Variants in IL1RL2 observed in about 807,000 individuals in gnomAD.
IL1RL2 encodes the protein interleukin 1 receptor like 2.
In IL1RL2, 68 loss-of-function variants were observed where a neutral mutation model predicts 66.8. The observed-to-expected ratio is 1.02, with a 90% CI of 0.84 to 1.25. The LOEUF (loss-of-function observed/expected upper bound fraction) is 1.25. Among genes scored for constraint, IL1RL2 ranks in the 50% most tolerant of loss-of-function variants. IL1RL2 has a pLI of 0.00. For missense variants in IL1RL2, 729 were observed against 709.3 expected (o/e 1.03, Z -0.32); for synonymous variants, 305 against 264.6 (o/e 1.15, Z -1.48).
intron 1 of IL1RL2, 96 bp from the exon 2 acceptor site, chr2:102,187,760 G>A: frequency 9.7e-7 from 1 of 1,032,698 alleles, no homozygotes. Context: ...CAGCGGCCTG[G>A]GCGGTTGTCT....
intron 4 of IL1RL2, among the ~76,000 whole-genome samples, chr2:102,194,035 A>G (rs1161925015): frequency 2.0e-5 from 3 of 152,180 alleles, no homozygotes; most frequent in Non-Finnish European, 4.4e-5. Flanking sequence ...ATTATCAGAA[A>G]GTGAACATAC....
Position 102,189,163 on chromosome 2 carries a change from CT to C in IL1RL2, c.147del (p.Glu51LysfsTer4), listed in dbSNP as rs560471795. The C allele has an allele frequency of 1.2e-5, 20 of 1,614,064 alleles. No homozygotes were observed. The African/African-American group carries it at 2.4e-4, about 19-fold the overall frequency. On this transcript the variant is annotated frameshift_variant, in exon 3 of 12. Transcript: ENST00000264257. LOFTEE classifies it high-confidence loss of function. The stretch of plus-strand genomic sequence containing the variant: ...AATTGTACATTCCCTCCCATAACAT[CT>C]GGGGAAGTCAGTGTAACATGGTATA... ...AFNCTFPPIT[S>X]GEVSVTWYKN...
chr2:102,220,679 ATG>A (rs3074966), intron 8 of IL1RL2, among the ~76,000 whole-genome samples: 35,182 of 150,176 alleles, frequency 0.23, 4,574 homozygotes, highest in Admixed American at 0.37. Flanking sequence ...TCATTAGTGT[ATG>A]TGTGTGTGTG....
At chr2:102,203,222 G>T (rs1402269635) in intron 5 of IL1RL2, among the ~76,000 whole-genome samples, 1 of 152,186 alleles carries the variant, frequency 6.6e-6, no homozygotes, top group East Asian at 1.9e-4. Context: ...TCCTAGGGAT[G>T]AATCCCATTT....
In IL1RL2 at chr2:102,192,129, G is replaced by T. The variant is rs2104713025; in HGVS notation, c.489+9G>T. The stretch of plus-strand genomic sequence containing the variant: ...CAATAAAGTGGTATAAGGTAAAAAA[G>T]AATTTTCTTATTGATATTTTTCCTC... On this transcript the variant is annotated intron_variant, in intron 4 of 11. Coordinates refer to ENST00000264257, the MANE Select transcript of IL1RL2 (RefSeq NM_003854.4). The T allele has an allele frequency of 9.8e-6, 15 of 1,529,692 alleles. No individual in the cohort carries two copies. Among genetic ancestry groups the T allele is most frequent in the East Asian group, 2.4e-5 (1 of 42,266 alleles). 94.8% of individuals were successfully genotyped at this position (1,529,692 alleles called of 1,614,324 possible).
intron 4 of IL1RL2, among the ~76,000 whole-genome samples, chr2:102,195,567 TTC>T (rs1177977222): frequency 7.8e-5 from 1 of 12,814 alleles, no homozygotes; most frequent in African/African-American, 2.3e-4. Flanking sequence ...TTCTCTTTCT[TTC>T]TTTCTTTCTT....
At position 102,238,125 on chromosome 2, in the gene IL1RL2, C is replaced by T. The variant is rs200563219; in HGVS notation, c.1679-1067C>T. On this transcript the variant is annotated intron_variant, in intron 11 of 11. Coordinates refer to ENST00000264257, the MANE Select transcript of IL1RL2 (RefSeq NM_003854.4). ...CCCTGGCTTGAGGGAATTAGAGACC[C>T]CCCTGGGAATCCCCAGGGACTGACC... is the stretch of plus-strand genomic sequence containing the variant. 1.1e-4 allele frequency among the ~76,000 whole-genome samples: 17 copies of T among 152,298 alleles called. No homozygotes were observed. In the East Asian group the frequency reaches 3.3e-3, roughly 29 times the overall value.
intron 4 of IL1RL2, among the ~76,000 whole-genome samples, chr2:102,192,624 T>G (rs567568230): frequency 6.6e-6 from 1 of 152,354 alleles, no homozygotes; most frequent in South Asian, 2.1e-4. Flanking sequence ...CCTTCCTTTT[T>G]TACGCTCATC....
In IL1RL2 at chr2:102,187,198, T is replaced by A. The variant is rs943585164; in HGVS notation, c.-13+112T>A. On this transcript the variant is annotated intron_variant, in intron 1 of 11. Transcript: ENST00000264257. ...AATGTGTGCCACCGCAGGCCAGGGATCAGGCCCCCCAGGCCGGCCCCCGAC... is the reference window on the plus strand; with the variant it reads ...AATGTGTGCCACCGCAGGCCAGGGAACAGGCCCCCCAGGCCGGCCCCCGAC... 162 of 1,226,128 alleles carry A rather than the reference T, an allele frequency of 1.3e-4. 1 individual carries two copies. In the African/African-American group the frequency reaches 2.2e-3, roughly 17 times the overall value. 76.0% of individuals were successfully genotyped at this position (1,226,128 alleles called of 1,614,324 possible). A position where few individuals can be genotyped will look rare whatever the true frequency, so the allele number is the denominator to read the frequency against.
chr2:102,196,612 G>A (rs1687806570), intron 4 of IL1RL2, among the ~76,000 whole-genome samples: 1 of 152,184 alleles, frequency 6.6e-6, no homozygotes, highest in African/African-American at 2.4e-5. Context: ...TGAACATAAA[G>A]AAAGCAAAAC....
In IL1RL2 at chr2:102,194,231, T is replaced by C. The variant is rs150059442; in HGVS notation, c.489+2111T>C. Among the ~76,000 whole-genome samples the C allele has an allele frequency of 5.3e-3, 806 of 152,340 alleles. 9 individuals are homozygous for C. The highest frequency in any genetic ancestry group is 0.019 in the African/African-American group (778 of 41,580). ...TTTATTTAATTTGAATAAAATCATATGTAGTGTTTATGTCTAGCTTCCTTG... is the reference window on the plus strand; with the variant it reads ...TTTATTTAATTTGAATAAAATCATACGTAGTGTTTATGTCTAGCTTCCTTG... On this transcript the variant is annotated intron_variant, in intron 4 of 11. Transcript: ENST00000264257.
At position 102,235,023 on chromosome 2, in the gene IL1RL2, C is replaced by T. The variant is rs369972477; in HGVS notation, c.1424C>T (p.Ala475Val). ...LSEEQIAVYS[A>V]LIQDGMKVIL... ...GAAGAACAAATCGCGGTCTACAGTG[C>T]CCTGATCCAGGACGGGATGAAGGTT... The change falls in exon 11 of 12, where the codon GCC (alanine) becomes GTC (valine). Residue 475 changes from alanine to valine, a missense_variant. Coordinates refer to ENST00000264257, the MANE Select transcript of IL1RL2 (RefSeq NM_003854.4). The T allele has an allele frequency of 1.1e-5, 18 of 1,614,152 alleles. No homozygotes were observed. The highest frequency in any genetic ancestry group is 2.7e-5 in the African/African-American group (2 of 75,030).
chr2:102,204,090 A>G (rs921741131), intron 5 of IL1RL2, among the ~76,000 whole-genome samples: 1 of 151,838 alleles, frequency 6.6e-6, no homozygotes, highest in African/African-American at 2.4e-5. Context: ...TGTTTCCATT[A>G]TTTGTTTCAA....
At chr2:102,198,488 T>C (rs1319693145) in intron 4 of IL1RL2, among the ~76,000 whole-genome samples, 1 of 152,170 alleles carries the variant, frequency 6.6e-6, no homozygotes, top group Non-Finnish European at 1.5e-5. Flanking sequence ...TCCCTATCAC[T>C]GTGCTCAATC....
At chr2:102,213,243 A>G (rs1689333491) in intron 6 of IL1RL2, among the ~76,000 whole-genome samples, 1 of 152,230 alleles carries the variant, frequency 6.6e-6, no homozygotes, top group Non-Finnish European at 1.5e-5. Context: ...CGAGGAATAT[A>G]GTAAAAGTAA....
In IL1RL2 at chr2:102,233,104, G is replaced by A. The variant is rs773746463; in HGVS notation, c.1277G>A (p.Arg426Lys). ...GGATATAAGTTGTTTATATTCGGCA[G>A]AGATGAATTCCCTGGACAAGGTGGG... Reference protein sequence around the residue: ...QCGYKLFIFGRDEFPGQAVAN... With the variant: ...QCGYKLFIFGKDEFPGQAVAN... Residue 426 changes from arginine (R) to lysine (K), a missense_variant, in exon 10 of 12, where the codon AGA becomes AAA. Arg to Lys is a conservative substitution (Grantham distance 26). Transcript: ENST00000264257. 6.2e-7 allele frequency: 1 copy of A among 1,612,174 alleles called. No homozygotes were observed. The highest frequency in any genetic ancestry group is 1.1e-5 in the South Asian group (1 of 91,026).
intron 2 of IL1RL2, 97 bp downstream of exon 2, chr2:102,188,022 C>A: frequency 1.6e-6 from 2 of 1,216,436 alleles, no homozygotes; most frequent in Non-Finnish European, 2.4e-6. Context: ...AGCCCGAGCG[C>A]GGCTCCTTCC....
chr2:102,221,909 A>G (rs1690174197), intron 8 of IL1RL2, among the ~76,000 whole-genome samples: 1 of 152,206 alleles, frequency 6.6e-6, no homozygotes, highest in Non-Finnish European at 1.5e-5. Context: ...AGGAACACAG[A>G]ATTTCTACAT....
chr2:102,235,419 G>C, intron 11 of IL1RL2, 142 bp downstream of exon 11: 1 of 1,448,652 alleles, frequency 6.9e-7, no homozygotes, highest in Non-Finnish European at 9.0e-7. Context: ...GAGAGGATCT[G>C]TTGTGTTTGT....
Sources: allele counts gnomAD v4.1 joint callset (sites outside exome capture counted in the v4.1 genomes callset), GRCh38; gene constraint gnomAD v4.1.1; transcripts MANE v1.5; gene names NCBI Gene and HGNC (gene_info 2026-07-23, HGNC 2026-07-21).